DIAPH1: variants seen among roughly 807,000 people sequenced by gnomAD.
DIAPH1 encodes the protein diaphanous related formin 1.
A neutral mutation model predicts 140.7 loss-of-function variants in DIAPH1; 46 were observed. The observed-to-expected ratio is 0.33, with a 90% CI of 0.26 to 0.42. DIAPH1 has a LOEUF of 0.42. DIAPH1 is among the 10% of genes least tolerant of loss of function. The pLI, the probability that DIAPH1 is intolerant of heterozygous loss-of-function variation, is 1.00. For missense variants in DIAPH1, 1,310 were observed against 1,558.7 expected (o/e 0.84, Z 2.69); for synonymous variants, 565 against 551.6 (o/e 1.02, Z -0.34).
At chr5:141,539,799 A>T (rs2099889687) in intron 18 of DIAPH1, among the ~76,000 whole-genome samples, 1 of 151,734 alleles carries the variant, frequency 6.6e-6, no homozygotes. Context: ...TTTCATTCTG[A>T]TTCAAGTCTC....
chr5:141,577,440 C>A, intron 12 of DIAPH1, 35 bp downstream of exon 12: 1 of 1,435,560 alleles, frequency 7.0e-7, no homozygotes, highest in East Asian at 2.3e-5. Flanking sequence ...CACTTAGGCT[C>A]AAATTCAAAA....
At chr5:141,529,472 A>G in intron 20 of DIAPH1, 131 bp downstream of exon 20, 1 of 970,992 alleles carries the variant, frequency 1.0e-6, no homozygotes, top group Non-Finnish European at 1.6e-6. Context: ...ACCAGAGAAA[A>G]GGCAGTTTCT....
At chr5:141,594,957 C>T (rs774698558) in intron 1 of DIAPH1, among the ~76,000 whole-genome samples, 21 of 151,100 alleles carry the variant, frequency 1.4e-4, no homozygotes, top group Admixed American at 5.3e-4. Context: ...AGGAGAATCA[C>T]TTGAAACCGG....
At chr5:141,617,903 G>A (rs1245843306) in intron 1 of DIAPH1, among the ~76,000 whole-genome samples, 4 of 152,208 alleles carry the variant, frequency 2.6e-5, no homozygotes, top group South Asian at 2.1e-4. Context: ...AAGGGAAGCC[G>A]ATAGTCGCCT....
At chr5:141,520,911 A>ATTTTTT (rs1322428236) in intron 27 of DIAPH1, among the ~76,000 whole-genome samples, 3 of 151,956 alleles carry the variant, frequency 2.0e-5, no homozygotes, top group Non-Finnish European at 4.4e-5. Flanking sequence ...TTTTATTTTT[A>ATTTTTT]TTTTTTTGAG....
At chr5:141,529,096 T>A in intron 21 of DIAPH1, 76 bp downstream of exon 21, 2 of 1,545,514 alleles carry the variant, frequency 1.3e-6, no homozygotes, top group South Asian at 1.1e-5. Context: ...GCAAGGAGCA[T>A]ATGCCCAGGC....
rs547628454 is a variant in DIAPH1, at chr5:141,524,002, G to A, written c.3661+141C>T. 10 of 781,080 alleles carry A rather than the reference G, an allele frequency of 1.3e-5. No homozygotes were observed. In the African/African-American group the frequency reaches 1.4e-4, roughly 11 times the overall value. 48.4% of individuals were successfully genotyped at this position (781,080 alleles called of 1,614,324 possible). Reference sequence around the variant, plus strand: ...TCGCTACTCTGTAACATGGGAAGAAGAGGACTAGATAATCCGTTCTGGATG... The same window carrying A: ...TCGCTACTCTGTAACATGGGAAGAAAAGGACTAGATAATCCGTTCTGGATG... On this transcript the variant is annotated intron_variant, in intron 27 of 27. Coordinates refer to ENST00000389054, the MANE Select transcript of DIAPH1 (RefSeq NM_005219.5).
chr5:141,562,563 A>G (rs1294451278), intron 18 of DIAPH1, among the ~76,000 whole-genome samples: 2 of 151,150 alleles, frequency 1.3e-5, no homozygotes, highest in Non-Finnish European at 2.9e-5. Context: ...GGTGGGAATG[A>G]GACTTTTTTA....
chr5:141,607,180 T>G (rs1376219057), intron 1 of DIAPH1, among the ~76,000 whole-genome samples: 1 of 152,152 alleles, frequency 6.6e-6, no homozygotes, highest in Non-Finnish European at 1.5e-5. Flanking sequence ...AGAAGAATAC[T>G]TCAAATAAGT....
At chr5:141,577,712 T>G in intron 11 of DIAPH1, 121 bp from the exon 12 acceptor site, 2 of 736,510 alleles carry the variant, frequency 2.7e-6, no homozygotes, top group Non-Finnish European at 4.9e-6. Context: ...TTCTACTGGC[T>G]GTTCTTCCTG....
At position 141,526,455 on chromosome 5, in the gene DIAPH1, C is replaced by T. The variant is rs1347816910; in HGVS notation, c.3280G>A (p.Val1094Met). Reference sequence around the variant, plus strand: ...TTATACTGTTCCTGTGCATCCTTCACAAAGCTGTGCAGCCAAGGAGTAAAG... The same window carrying T: ...TTATACTGTTCCTGTGCATCCTTCATAAAGCTGTGCAGCCAAGGAGTAAAG... Reference protein sequence around the residue: ...DKFVEKMTSFVKDAQEQYNKL... With the variant: ...DKFVEKMTSFMKDAQEQYNKL... Residue 1094 changes from valine to methionine, a missense_variant, in exon 25 of 28, where the codon GTG (valine) becomes ATG (methionine). By Grantham distance (21) the Val-to-Met change is conservative. This residue lies in a region of DIAPH1 where 344 missense variants were observed against 512.2 expected (regional missense o/e 0.67). Transcript: ENST00000389054. 1.2e-6 allele frequency: 2 copies of T among 1,614,002 alleles called. No individual in the cohort carries two copies.
At position 141,540,139 on chromosome 5, in the gene DIAPH1, C is replaced by T. The variant is rs147890434; in HGVS notation, c.2483-5706G>A. Among the ~76,000 whole-genome samples, 138 of 151,676 alleles carry T rather than the reference C, an allele frequency of 9.1e-4. 4 individuals carry two copies. The East Asian group carries it at 0.023, about 25-fold the overall frequency. On this transcript the variant is annotated intron_variant, in intron 18 of 27. Transcript: ENST00000389054. ...GTTGTTTTTTTTCTTTTTTTTGAGA[C>T]GGAGTCTTGCTCTGTCACCCAGGCT... is the stretch of plus-strand genomic sequence containing the variant.
intron 27 of DIAPH1, among the ~76,000 whole-genome samples, chr5:141,522,807 T>G (rs1209614398): frequency 6.6e-6 from 1 of 151,992 alleles, no homozygotes; most frequent in African/African-American, 2.4e-5. Flanking sequence ...CATATCCACT[T>G]CTCCCCACGC....
intron 7 of DIAPH1, 181 bp downstream of exon 7, chr5:141,582,131 G>T (rs2099896868): frequency 1.4e-5 from 5 of 369,514 alleles, no homozygotes; most frequent in Non-Finnish European, 2.1e-5. Flanking sequence ...ACAGAAGTTA[G>T]AACTGAGAAA....
chr5:141,529,511 C>T, intron 20 of DIAPH1, 92 bp downstream of exon 20: 2 of 1,116,732 alleles, frequency 1.8e-6, no homozygotes, highest in Non-Finnish European at 2.7e-6. Flanking sequence ...GTCAGCAATG[C>T]TGGAGGAGGA....
At chr5:141,597,951 T>C (rs1198066159) in intron 1 of DIAPH1, among the ~76,000 whole-genome samples, 1 of 152,208 alleles carries the variant, frequency 6.6e-6, no homozygotes, top group Non-Finnish European at 1.5e-5. Flanking sequence ...TCCCTCAACC[T>C]TATTCCTGTT....
chr5:141,583,332 TA>T (rs2099897053), intron 5 of DIAPH1, 40 bp from the exon 6 acceptor site: 1 of 1,607,912 alleles, frequency 6.2e-7, no homozygotes, highest in Non-Finnish European at 8.5e-7. Flanking sequence ...ATCAAACCAA[TA>T]AATACTTATT....
intron 18 of DIAPH1, among the ~76,000 whole-genome samples, chr5:141,555,624 A>AG (rs2099892451): frequency 6.6e-6 from 1 of 152,238 alleles, no homozygotes; most frequent in Non-Finnish European, 1.5e-5. Context: ...AACAACATCA[A>AG]GGGCTGAGTA....
chr5:141,578,616 G>C lies in DIAPH1; in HGVS notation c.943C>G (p.Leu315Val). The change falls in exon 10 of 28, where the codon CTA becomes GTA. Residue 315 changes from leucine (L) to valine (V), a missense_variant. Leu to Val is a conservative substitution (Grantham distance 32). Transcript: ENST00000389054. ...GTGATGAGAGCATTGATCAGCTGTA[G>C]GCATCCAACCTAAAATAAGAAAATT... ...GTTIALKVGCLQLINALITPA... is the reference protein window; with the variant it reads ...GTTIALKVGCVQLINALITPA... The C allele has an allele frequency of 6.2e-7, 1 of 1,612,820 alleles. No homozygotes were observed. The highest frequency in any genetic ancestry group is 8.5e-7 in the Non-Finnish European group (1 of 1,179,732).
Sources: allele counts gnomAD v4.1 joint callset (sites outside exome capture counted in the v4.1 genomes callset), GRCh38; gene constraint gnomAD v4.1.1; regional missense constraint gnomAD v4.1.1; transcripts MANE v1.5; gene names NCBI Gene and HGNC (gene_info 2026-07-23, HGNC 2026-07-21).